CPNE5: variants seen among roughly 807,000 people sequenced by gnomAD.
CPNE5 encodes copine 5, also known as copine-5.
A neutral mutation model predicts 81.1 loss-of-function variants in CPNE5; 42 were observed. The ratio of observed to expected loss-of-function variants is 0.52; its 90% CI spans 0.40 to 0.67. The LOEUF (loss-of-function observed/expected upper bound fraction) is 0.67, where lower values mean the gene tolerates loss of function less well. Ranked by LOEUF, CPNE5 falls within the 30% of genes least tolerant of loss-of-function variation. The pLI is 0.00. For missense variants in CPNE5, 612 were observed against 815.5 expected, an observed-to-expected ratio of 0.75 and a Z score of 3.04; for synonymous variants, 313 against 321.5, an observed-to-expected ratio of 0.97 and a Z score of 0.28.
intron 14 of CPNE5, among the ~76,000 whole-genome samples, chr6:36,751,328 A>G (rs1764796799): frequency 6.6e-6 from 1 of 152,240 alleles, no homozygotes; most frequent in Non-Finnish European, 1.5e-5. Flanking sequence ...CAAGTCAGGC[A>G]GGCTAGACTG....
At chr6:36,799,702 C>T (rs1399891895) in intron 4 of CPNE5, among the ~76,000 whole-genome samples, 1 of 152,164 alleles carries the variant, frequency 6.6e-6, no homozygotes, top group Non-Finnish European at 1.5e-5. Flanking sequence ...GCAGACATTC[C>T]CCAGCACCAA....
chr6:36,796,131 T>C (rs2150518619), intron 6 of CPNE5, among the ~76,000 whole-genome samples: 1 of 152,270 alleles, frequency 6.6e-6, no homozygotes, highest in East Asian at 1.9e-4. Context: ...GTATTTTTAG[T>C]AGAGACAAGG....
chr6:36,778,554 C>G (rs371541485), intron 9 of CPNE5, among the ~76,000 whole-genome samples: 1 of 152,152 alleles, frequency 6.6e-6, no homozygotes, highest in East Asian at 1.9e-4. Flanking sequence ...CCTGCCCTAG[C>G]CCTGTTTTTG....
At chr6:36,786,119 G>A (rs1423673223) in intron 8 of CPNE5, among the ~76,000 whole-genome samples, 1 of 150,604 alleles carries the variant, frequency 6.6e-6, no homozygotes, top group Non-Finnish European at 1.5e-5. Context: ...TTAACATATT[G>A]TCTTTTTTAG....
chr6:36,836,352 C>T (rs12529199), intron 1 of CPNE5, among the ~76,000 whole-genome samples: 20,091 of 152,148 alleles, frequency 0.13, 1,566 homozygotes, highest in African/African-American at 0.2. Context: ...AGGATCCTCC[C>T]CTAGGCACAG....
At chr6:36,818,260 G>C (rs1419069431) in intron 3 of CPNE5, among the ~76,000 whole-genome samples, 2 of 152,052 alleles carry the variant, frequency 1.3e-5, no homozygotes, top group Non-Finnish European at 2.9e-5. Context: ...TGGCCTTCTG[G>C]CTGCGACTTT....
At chr6:36,787,448 G>T (rs771211357) in intron 8 of CPNE5, among the ~76,000 whole-genome samples, 3 of 151,952 alleles carry the variant, frequency 2.0e-5, no homozygotes, top group Non-Finnish European at 4.4e-5. Context: ...CAGGTAACTG[G>T]AAGGGTTCAT....
intron 12 of CPNE5, chr6:36,757,315 C>T (rs1195806116): frequency 5.1e-6 from 5 of 985,304 alleles, no homozygotes; most frequent in Non-Finnish European, 4.8e-6. Context: ...TTCTGGTGAA[C>T]TCATTTCCCC....
chr6:36,780,545 T>A (rs904675712), intron 8 of CPNE5, among the ~76,000 whole-genome samples: 29 of 152,198 alleles, frequency 1.9e-4, no homozygotes, highest in African/African-American at 7.0e-4. Flanking sequence ...GCAGTGCCCA[T>A]CTCATAGGCT....
intron 15 of CPNE5, among the ~76,000 whole-genome samples, chr6:36,747,613 G>A (rs1764324019): frequency 6.6e-6 from 1 of 152,158 alleles, no homozygotes; most frequent in South Asian, 2.1e-4. Context: ...GGCAAGACCT[G>A]GGCATTTTTG....
At chr6:36,782,977 TAGA>T (rs1190855409) in intron 8 of CPNE5, among the ~76,000 whole-genome samples, 4 of 151,930 alleles carry the variant, frequency 2.6e-5, no homozygotes, top group Admixed American at 6.6e-5. Flanking sequence ...CTGGGTAATG[TAGA>T]AGAATAGCGC....
At chr6:36,800,303 C>T (rs1352489572) in intron 3 of CPNE5, among the ~76,000 whole-genome samples, 1 of 152,226 alleles carries the variant, frequency 6.6e-6, no homozygotes, top group Non-Finnish European at 1.5e-5. Context: ...TTCCCATCTC[C>T]ATGCAAGCTG....
At position 36,832,567 on chromosome 6, in the gene CPNE5, G is replaced by A. The variant is rs144966637; in HGVS notation, c.95+6716C>T. ...GCAGAGGCAGCCATTTTGTAACAAC[G>A]AGGCCTACTGCTAAGATGATAGCAA... On this transcript the variant is annotated intron_variant, in intron 1 of 20. Coordinates refer to ENST00000244751, the MANE Select transcript of CPNE5 (RefSeq NM_020939.2). Among the ~76,000 whole-genome samples the A allele has an allele frequency of 2.5e-3, 384 of 152,304 alleles. 6 individuals carry two copies. The highest frequency in any genetic ancestry group is 0.02 in the Middle Eastern group (6 of 294).
chr6:36,834,305 G>A (rs1462605505), intron 1 of CPNE5, among the ~76,000 whole-genome samples: 1 of 94,400 alleles, frequency 1.1e-5, no homozygotes, highest in Non-Finnish European at 2.1e-5. Flanking sequence ...GGGAGGGAGG[G>A]AGGGAGGAAG....
chr6:36,799,886 C>T, intron 4 of CPNE5, 81 bp downstream of exon 4: 2 of 1,051,250 alleles, frequency 1.9e-6, no homozygotes, highest in Non-Finnish European at 2.9e-6. Context: ...CAGCTCCTTC[C>T]TCAACCACAG....
intron 14 of CPNE5, 148 bp downstream of exon 14, chr6:36,752,886 C>T: frequency 1.6e-6 from 1 of 615,516 alleles, no homozygotes; most frequent in Non-Finnish European, 2.9e-6. Flanking sequence ...TGTCTCAGCC[C>T]AAACACCAGG....
chr6:36,767,549 T>TC (rs1459765959), intron 10 of CPNE5, among the ~76,000 whole-genome samples: 2 of 152,088 alleles, frequency 1.3e-5, no homozygotes, highest in African/African-American at 4.8e-5. Context: ...TCCCAGTCCT[T>TC]CCCCAGACCG....
intron 10 of CPNE5, among the ~76,000 whole-genome samples, chr6:36,771,260 C>T (rs867743338): frequency 3.2e-4 from 49 of 152,188 alleles, no homozygotes; most frequent in African/African-American, 1.1e-3. Context: ...CCCTGTCATG[C>T]CATGTCTTGG....
chr6:36,825,400 G>A (rs568276406), intron 1 of CPNE5, among the ~76,000 whole-genome samples: 1 of 152,170 alleles, frequency 6.6e-6, no homozygotes, highest in African/African-American at 2.4e-5. Context: ...AGTCCCTGGA[G>A]AACTCTCACC....
Sources: gnomAD v4.1 joint callset for allele counts (sites outside exome capture counted in the v4.1 genomes callset) on GRCh38, gnomAD v4.1.1 for gene constraint, MANE v1.5 for transcripts, NCBI Gene and HGNC (gene_info 2026-07-23, HGNC 2026-07-21) for gene names.